ARHGAP10: variants seen among roughly 807,000 people sequenced by gnomAD.
The protein encoded by ARHGAP10 is rho GTPase-activating protein 10.
Under a neutral mutation model 108.6 loss-of-function variants are expected in ARHGAP10, and 87 were observed. The observed-to-expected ratio is 0.80, with a 90% CI of 0.67 to 0.96. The LOEUF is 0.96. Among genes scored for constraint, ARHGAP10 ranks in the 40% least tolerant of loss-of-function variants. The probability of loss-of-function intolerance (pLI) is 0.00; values close to 1 mark genes in which losing one functional copy is unlikely to be tolerated. For missense variants in ARHGAP10, 939 were observed against 954.5 expected, an observed-to-expected ratio of 0.98 and a Z score of 0.21; for synonymous variants, 347 against 341.1, an observed-to-expected ratio of 1.02 and a Z score of -0.19.
At position 147,822,812 on chromosome 4, in the gene ARHGAP10, A is replaced by G. The variant is rs1386912169; in HGVS notation, c.240A>G (p.Glu80=). Reference sequence around the variant, plus strand: ...TCGGTGATGCTGTGACAGATGATGAACGATGCATAGGTAATTAAACATGAT... The same window carrying G: ...TCGGTGATGCTGTGACAGATGATGAGCGATGCATAGGTAATTAAACATGAT... ...EFIGDAVTDD[E]RCIDASLREF... The change falls in exon 2 of 23, where the codon GAA becomes GAG. Residue 80 remains glutamate (E), a synonymous_variant. Transcript: ENST00000336498. 6.2e-7 allele frequency: 1 copy of G among 1,614,190 alleles called. No individual in the cohort carries two copies. Among genetic ancestry groups the G allele is most frequent in the East Asian group, 2.2e-5 (1 of 44,892 alleles).
chr4:147,732,598 C>A, intron 1 of ARHGAP10, 143 bp downstream of exon 1: 1 of 1,199,450 alleles, frequency 8.3e-7, no homozygotes, highest in Non-Finnish European at 1.1e-6. Context: ...CCAGCTCTCT[C>A]GGAACCCCGG....
rs1406935108 is a variant in ARHGAP10 at position 147,965,275 on chromosome 4, C to T, written c.1556+146C>T. 4 of 544,538 alleles carry T rather than the reference C, an allele frequency of 7.3e-6. No homozygotes were observed. In the Admixed American group the frequency reaches 1.1e-4, roughly 15 times the overall value. 33.7% of individuals were successfully genotyped at this position (544,538 alleles called of 1,614,324 possible). On this transcript the variant is annotated intron_variant, in intron 17 of 22. Coordinates refer to ENST00000336498, the MANE Select transcript of ARHGAP10 (RefSeq NM_024605.4). ...CTCATTGTGTGTGTTTTGGATAAGA[C>T]TGTTGAAATATGCTTTCATGAAGCT...
chr4:147,895,818 C>T (rs917461513), intron 10 of ARHGAP10, among the ~76,000 whole-genome samples: 16 of 152,144 alleles, frequency 1.1e-4, no homozygotes, highest in Non-Finnish European at 2.4e-4. Context: ...GGCCATCTTG[C>T]CTTGTTCCTG....
In ARHGAP10 at chr4:148,008,904, G is replaced by A. The variant is rs551009560; in HGVS notation, c.1717-14359G>A. Reference sequence around the variant, plus strand: ...AGAGTCCGCTGTCTACTGTTAAGTCGGACGTTAAAGAGATTTGCAAAATGT... The same window carrying A: ...AGAGTCCGCTGTCTACTGTTAAGTCAGACGTTAAAGAGATTTGCAAAATGT... On this transcript the variant is annotated intron_variant, in intron 18 of 22. Coordinates refer to ENST00000336498, the MANE Select transcript of ARHGAP10 (RefSeq NM_024605.4). 7.9e-5 allele frequency among the ~76,000 whole-genome samples: 12 copies of A among 152,126 alleles called. No individual in the cohort carries two copies. The South Asian group carries it at 2.3e-3, about 29-fold the overall frequency.
At chr4:148,068,194 G>A (rs1363241523) in intron 22 of ARHGAP10, among the ~76,000 whole-genome samples, 5 of 152,174 alleles carry the variant, frequency 3.3e-5, no homozygotes, top group Admixed American at 6.5e-5. Context: ...GGGCAGGGTT[G>A]GGAGGGGTGC....
At chr4:147,772,226 A>G (rs559508890) in intron 1 of ARHGAP10, among the ~76,000 whole-genome samples, 1 of 152,248 alleles carries the variant, frequency 6.6e-6, no homozygotes, top group South Asian at 2.1e-4. Context: ...AGTTGGCAGG[A>G]TTATCTGAGA....
intron 16 of ARHGAP10, 28 bp downstream of exon 16, chr4:147,955,402 A>G (rs1164208978): frequency 6.3e-7 from 1 of 1,590,128 alleles, no homozygotes; most frequent in African/African-American, 1.3e-5. Context: ...GTATATAGGA[A>G]CAGTTTTGTA....
chr4:147,973,551 T>C (rs2149620689), intron 18 of ARHGAP10, among the ~76,000 whole-genome samples: 1 of 152,250 alleles, frequency 6.6e-6, no homozygotes, highest in South Asian at 2.1e-4. Flanking sequence ...CCAGTTATAC[T>C]CTTTTAGTTA....
intron 18 of ARHGAP10, among the ~76,000 whole-genome samples, chr4:147,980,752 T>A (rs1232496248): frequency 6.6e-6 from 1 of 152,182 alleles, no homozygotes; most frequent in African/African-American, 2.4e-5. Flanking sequence ...TCTTTCTTCT[T>A]GATTCAATTT....
intron 1 of ARHGAP10, among the ~76,000 whole-genome samples, chr4:147,766,785 C>A (rs1729836853): frequency 7.4e-6 from 1 of 134,450 alleles, no homozygotes; most frequent in Non-Finnish European, 1.5e-5. Context: ...CATATATATT[C>A]ATACATATAT....
chr4:148,036,489 C>T (rs933751109), intron 19 of ARHGAP10, among the ~76,000 whole-genome samples: 2 of 152,154 alleles, frequency 1.3e-5, no homozygotes, highest in Admixed American at 6.5e-5. Flanking sequence ...TGACTTCTCA[C>T]GAGATCTGAT....
intron 1 of ARHGAP10, among the ~76,000 whole-genome samples, chr4:147,791,741 T>TGG (rs894984576): frequency 2.0e-5 from 3 of 152,126 alleles, no homozygotes; most frequent in South Asian, 2.1e-4. Flanking sequence ...CCCGCCACCA[T>TGG]GTCCAGCTAG....
At chr4:148,048,870 G>A (rs144808169) in intron 20 of ARHGAP10, among the ~76,000 whole-genome samples, 4 of 151,868 alleles carry the variant, frequency 2.6e-5, no homozygotes, top group South Asian at 2.1e-4. Flanking sequence ...CTATTCATAC[G>A]CATTTTAAAA....
chr4:147,882,095 C>T (rs1013602630), intron 10 of ARHGAP10, among the ~76,000 whole-genome samples, 163 bp downstream of exon 10: 56 of 152,150 alleles, frequency 3.7e-4, no homozygotes, highest in Middle Eastern at 3.4e-3. Context: ...TCTTGATCAC[C>T]GGGTTTAGCT....
intron 7 of ARHGAP10, among the ~76,000 whole-genome samples, chr4:147,873,362 G>A (rs528373196): frequency 2.6e-5 from 4 of 152,080 alleles, no homozygotes; most frequent in South Asian, 4.2e-4. Flanking sequence ...AGAAGTGTGT[G>A]TACATGTTCA....
chr4:148,010,683 A>G (rs892371338), intron 18 of ARHGAP10, among the ~76,000 whole-genome samples: 1 of 152,198 alleles, frequency 6.6e-6, no homozygotes, highest in Non-Finnish European at 1.5e-5. Context: ...CAATACTGTT[A>G]TCTATATATC....
chr4:147,901,130 C>G (rs1215016350), intron 10 of ARHGAP10, among the ~76,000 whole-genome samples: 2 of 152,126 alleles, frequency 1.3e-5, no homozygotes, highest in African/African-American at 4.8e-5. Context: ...TGAAATGTGT[C>G]CAATGTTTCT....
At chr4:148,029,685 T>C (rs1728047205) in intron 19 of ARHGAP10, among the ~76,000 whole-genome samples, 1 of 152,180 alleles carries the variant, frequency 6.6e-6, no homozygotes, top group Admixed American at 6.5e-5. Context: ...GGCATGGCAT[T>C]TCATGGGTGG....
At chr4:147,960,221 A>G (rs1738941558) in intron 16 of ARHGAP10, among the ~76,000 whole-genome samples, 1 of 152,124 alleles carries the variant, frequency 6.6e-6, no homozygotes, top group Admixed American at 6.5e-5. Flanking sequence ...TGATAAATTT[A>G]GTTTGTATCT....
Sources: gnomAD v4.1 joint callset for allele counts (sites outside exome capture counted in the v4.1 genomes callset) on GRCh38, gnomAD v4.1.1 for gene constraint, MANE v1.5 for transcripts, NCBI Gene and HGNC (gene_info 2026-07-23, HGNC 2026-07-21) for gene names.